Variants in SRSF11 observed in about 807,000 individuals in gnomAD.
The protein encoded by SRSF11 is serine and arginine rich splicing factor 11.
SRSF11 carries 9 observed loss-of-function variants against 56.0 expected under a neutral mutation model. The observed-to-expected ratio is 0.16, with a 90% CI of 0.10 to 0.28. The LOEUF (loss-of-function observed/expected upper bound fraction) is 0.28, where lower values mean the gene tolerates loss of function less well. SRSF11 is among the 10% of genes least tolerant of loss of function. SRSF11 has a pLI of 1.00. For missense variants in SRSF11, 421 were observed against 600.7 expected (o/e 0.70, Z 3.13); for synonymous variants, 222 against 215.3 (o/e 1.03, Z -0.27).
At chr1:70,209,056 C>T (rs1052506572) in intron 1 of SRSF11, among the ~76,000 whole-genome samples, 5 of 152,154 alleles carry the variant, frequency 3.3e-5, no homozygotes, top group African/African-American at 1.2e-4. Context: ...GAAAGGCTTC[C>T]CTCTTCAAGC....
chr1:70,213,331 T>C (rs1188818391), intron 1 of SRSF11, among the ~76,000 whole-genome samples: 1 of 152,230 alleles, frequency 6.6e-6, no homozygotes, highest in African/African-American at 2.4e-5. Context: ...AAGCCACTTA[T>C]GTTTTTTACA....
chr1:70,233,265 G>A (rs1242497979), intron 3 of SRSF11, among the ~76,000 whole-genome samples: 1 of 151,468 alleles, frequency 6.6e-6, no homozygotes, highest in African/African-American at 2.4e-5. Context: ...TTTTGAGATG[G>A]ACAGAGTCTC....
chr1:70,221,365 G>T (rs972698609), upstream of SRSF11: 7 of 468,382 alleles, frequency 1.5e-5, no homozygotes, highest in Non-Finnish European at 2.6e-5. Context: ...AGCATTGTGG[G>T]AGCTCGGGCC....
rs896477731 is a variant in SRSF11 at position 70,221,411 on chromosome 1, C to T, written c.-226C>T. On this transcript the variant is annotated 5_prime_UTR_variant, in exon 1 of 12. Coordinates refer to ENST00000370949, the MANE Select transcript of SRSF11 (RefSeq NM_001350605.2). ...GTGGTTGGAGGCGAGGTGGGGCGGC[C>T]GTTTGTTTTCTCGTGGTCTCGAGCT... is the stretch of plus-strand genomic sequence containing the variant. 7.3e-5 allele frequency: 40 copies of T among 551,322 alleles called. No homozygotes were observed. The highest frequency in any genetic ancestry group is 1.2e-4 in the Non-Finnish European group (38 of 319,946). The allele number at this position is 551,322 out of a possible 1,614,324, so 34.2% of individuals were successfully genotyped here.
intron 8 of SRSF11, among the ~76,000 whole-genome samples, chr1:70,246,160 C>T (rs949802182): frequency 1.3e-5 from 2 of 151,630 alleles, no homozygotes; most frequent in African/African-American, 4.9e-5. Flanking sequence ...ACTTCTCATT[C>T]AACAAATATA....
chr1:70,242,364 A>C (rs1046484226), intron 7 of SRSF11, among the ~76,000 whole-genome samples: 21 of 148,970 alleles, frequency 1.4e-4, no homozygotes, highest in African/African-American at 3.7e-4. Context: ...ACACACACAC[A>C]CCCCCCACAC....
chr1:70,237,412 G>T lies in SRSF11; in HGVS notation c.591-13G>T, dbSNP rs778257010. On this transcript the variant is annotated splice_polypyrimidine_tract_variant and intron_variant, in intron 5 of 11. Transcript: ENST00000370949. ...TAAAATATTTCAGATCCCATTTCTT[G>T]GTTCTGTTTCAGGTTGAATCATGTA... The T allele has an allele frequency of 1.2e-6, 2 of 1,610,306 alleles. No individual in the cohort carries two copies. The highest frequency in any genetic ancestry group is 1.7e-5 in the Admixed American group (1 of 59,326).
At chr1:70,231,871 C>T in intron 2 of SRSF11, 1 of 1,492,168 alleles carries the variant, frequency 6.7e-7, no homozygotes, top group Non-Finnish European at 8.9e-7. Context: ...AAGCAGCCGA[C>T]ACGAGTCGTT....
At chr1:70,212,698 G>A (rs1456158899) in intron 1 of SRSF11, among the ~76,000 whole-genome samples, 4 of 152,124 alleles carry the variant, frequency 2.6e-5, no homozygotes, top group African/African-American at 9.7e-5. Flanking sequence ...CTGTTTATAG[G>A]GTAGGTTCTT....
At chr1:70,221,350 C>T, upstream of SRSF11, 1 of 425,522 alleles carries the variant, frequency 2.4e-6, no homozygotes, top group Non-Finnish European at 4.2e-6. Flanking sequence ...CGCCCTGCGC[C>T]GCAAAGCATT....
At chr1:70,230,835 TAATTTTGCATGCAAAATTATC>T in intron 2 of SRSF11, 1 of 1,170,418 alleles carries the variant, frequency 8.5e-7, no homozygotes, top group Non-Finnish European at 1.1e-6. Flanking sequence ...TCTTGAGACA[TAATTTTGCATGCAAAATTATC>T]CCATAATCTT....
intron 1 of SRSF11, chr1:70,222,780 C>G (rs913757747): frequency 3.3e-5 from 5 of 152,136 alleles, no homozygotes; most frequent in African/African-American, 4.8e-5. Context: ...TTGGAATCCT[C>G]TAAGAATCTA....
chr1:70,220,769 G>C (rs1165674751), upstream of SRSF11: 4 of 152,124 alleles, frequency 2.6e-5, no homozygotes, highest in African/African-American at 9.7e-5. Flanking sequence ...AGAATGGCTT[G>C]AACAGGGGAA....
upstream of SRSF11, chr1:70,221,376 C>G: frequency 2.0e-6 from 1 of 495,824 alleles, no homozygotes; most frequent in South Asian, 3.0e-5. Flanking sequence ...AGCTCGGGCC[C>G]GCTAGTGTCG....
intron 1 of SRSF11, among the ~76,000 whole-genome samples, chr1:70,212,234 TTTTAA>T (rs1669621242): frequency 6.6e-6 from 1 of 152,170 alleles, no homozygotes; most frequent in African/African-American, 2.4e-5. Context: ...GTCATGGTAC[TTTTAA>T]TTAATTAATT....
chr1:70,217,667 C>G (rs377082671), upstream of SRSF11, among the ~76,000 whole-genome samples: 33 of 152,278 alleles, frequency 2.2e-4, no homozygotes, highest in South Asian at 5.8e-3. Context: ...TGAATCCTGT[C>G]TCCAGATTCT....
In SRSF11 at chr1:70,222,778, C is replaced by G. The variant is rs187336658; in HGVS notation, c.203+939C>G. On this transcript the variant is annotated intron_variant, in intron 1 of 11. Coordinates refer to ENST00000370949, the MANE Select transcript of SRSF11 (RefSeq NM_001350605.2). ...AAATACTAAACAGGAAATTGGAATC[C>G]TCTAAGAATCTACTGTTATGGTACG... The G allele has an allele frequency of 3.3e-5, 5 of 152,170 alleles. No homozygotes were observed. In the East Asian group the frequency reaches 9.7e-4, roughly 29 times the overall value. The allele number at this position is 152,170 out of a possible 1,614,324, so 9.4% of individuals were successfully genotyped here. A position where few individuals can be genotyped will look rare whatever the true frequency, so the allele number is the denominator to read the frequency against.
intron 6 of SRSF11, among the ~76,000 whole-genome samples, chr1:70,238,198 G>T (rs1999467): frequency 6.6e-6 from 1 of 152,122 alleles, no homozygotes; most frequent in Admixed American, 6.5e-5. Context: ...TATGTATTAT[G>T]TTATTTAACC....
intron 9 of SRSF11, 90 bp from the exon 10 acceptor site, chr1:70,249,862 A>G: frequency 1.4e-6 from 2 of 1,399,010 alleles, no homozygotes; most frequent in South Asian, 1.2e-5. Context: ...ATCTGGCCAC[A>G]TCTTTCATTG....
Sources: gnomAD v4.1 joint callset for allele counts (sites outside exome capture counted in the v4.1 genomes callset) on GRCh38, gnomAD v4.1.1 for gene constraint, MANE v1.5 for transcripts, NCBI Gene and HGNC (gene_info 2026-07-23, HGNC 2026-07-21) for gene names.